Variants in ZNF91 observed in about 807,000 individuals in gnomAD.
ZNF91 encodes zinc finger protein 91 (HPF7, HTF10).
In ZNF91, 7 loss-of-function variants were observed where a neutral mutation model predicts 12.6. The observed-to-expected ratio is 0.55, with a 90% CI of 0.31 to 1.04. ZNF91 has a LOEUF of 1.04. ZNF91 is among the 50% of genes least tolerant of loss of function. The pLI, the probability that ZNF91 is intolerant of heterozygous loss-of-function variation, is 0.05. For missense variants in ZNF91, 1,217 were observed against 1,385.4 expected, an observed-to-expected ratio of 0.88 and a Z score of 1.93; for synonymous variants, 453 against 462.6, an observed-to-expected ratio of 0.98 and a Z score of 0.27.
chr19:23,355,479 G>T (rs541505381), downstream of ZNF91, among the ~76,000 whole-genome samples: 1 of 152,166 alleles, frequency 6.6e-6, no homozygotes, highest in South Asian at 2.1e-4. Context: ...TTAAACCTAA[G>T]ATCAGAAACT....
At chr19:23,365,945 GAA>G (rs1482587099) in intron 3 of ZNF91, among the ~76,000 whole-genome samples, 1 of 152,200 alleles carries the variant, frequency 6.6e-6, no homozygotes, top group Non-Finnish European at 1.5e-5. Context: ...AGAACAAAGT[GAA>G]AAGTCTCCCA....
chr19:23,369,288 C>T (rs528066926), intron 3 of ZNF91, among the ~76,000 whole-genome samples: 18 of 151,370 alleles, frequency 1.2e-4, no homozygotes, highest in Non-Finnish European at 2.2e-4. Context: ...CCACCCTGGG[C>T]GACAGAGCAA....
chr19:23,323,525 TCTC>T (rs201818692), intron 1 of ZNF91, among the ~76,000 whole-genome samples: 1,420 of 139,542 alleles, frequency 0.01, 76 homozygotes, highest in Admixed American at 0.085. Context: ...CCTCTACTCT[TCTC>T]CTCCTTTTCC....
At position 23,361,188 on chromosome 19, in the gene ZNF91, A is replaced by G; in HGVS notation, c.1791T>C (p.Thr597=). Residue 597 remains threonine, a synonymous_variant, in exon 4 of 4, where the codon ACT becomes ACC. Coordinates refer to ENST00000300619, the MANE Select transcript of ZNF91 (RefSeq NM_003430.4). ...CTTCACACTTGTAAGACTTCTCTCC[A>G]GTATGAATTATCTTATGTGTAGAAA... ...SSLSTHKIIH[T]GEKSYKCEEC... The G allele has an allele frequency of 6.2e-7, 1 of 1,613,570 alleles. No homozygotes were observed. Among genetic ancestry groups the G allele is most frequent in the African/African-American group, 1.3e-5 (1 of 74,940 alleles).
chr19:23,331,811 G>C (rs1304306053), intron 1 of ZNF91, among the ~76,000 whole-genome samples: 2 of 152,086 alleles, frequency 1.3e-5, no homozygotes, highest in African/African-American at 2.4e-5. Flanking sequence ...GGTTAACACT[G>C]GTCAAATTCT....
At chr19:23,322,557 T>TA (rs1182495680) in intron 1 of ZNF91, among the ~76,000 whole-genome samples, 3 of 152,176 alleles carry the variant, frequency 2.0e-5, no homozygotes, top group African/African-American at 7.2e-5. Context: ...CTGGATTTTT[T>TA]ATCTGTGTGT....
At chr19:23,321,422 C>A (rs1422568165) in intron 1 of ZNF91, among the ~76,000 whole-genome samples, 1 of 152,130 alleles carries the variant, frequency 6.6e-6, no homozygotes, top group African/African-American at 2.4e-5. Flanking sequence ...TCTGCCTGGG[C>A]CCAGCCTAAA....
At chr19:23,356,135 A>G (rs190550349), downstream of ZNF91, among the ~76,000 whole-genome samples, 64 of 152,284 alleles carry the variant, frequency 4.2e-4, no homozygotes, top group East Asian at 0.012. Context: ...CTAAAAGTAG[A>G]ACTAGCATTT....
At chr19:23,335,529 C>T (rs781390890), downstream of ZNF91, among the ~76,000 whole-genome samples, 10 of 152,170 alleles carry the variant, frequency 6.6e-5, no homozygotes, top group South Asian at 2.1e-4. Context: ...CGATGGTGGA[C>T]GCCCCTCCCC....
At chr19:23,312,126 G>GA (rs909502434), upstream of ZNF91, among the ~76,000 whole-genome samples, 3 of 151,922 alleles carry the variant, frequency 2.0e-5, no homozygotes, top group African/African-American at 7.3e-5. Context: ...CTACTCTCAG[G>GA]AAAAATTATG....
At chr19:23,371,259 T>G (rs2145089932) in intron 3 of ZNF91, among the ~76,000 whole-genome samples, 1 of 152,168 alleles carries the variant, frequency 6.6e-6, no homozygotes, top group African/African-American at 2.4e-5. Context: ...GGCAAGAGAA[T>G]CGCTTGAATC....
chr19:23,320,294 G>A (rs1435040369), intron 1 of ZNF91, among the ~76,000 whole-genome samples: 3 of 152,142 alleles, frequency 2.0e-5, no homozygotes, highest in Admixed American at 6.5e-5. Context: ...AGACTGACAC[G>A]TACAATCATG....
chr19:23,395,429 G>C lies in ZNF91; in HGVS notation c.-75C>G. The C allele has an allele frequency of 1.3e-6, 2 of 1,569,002 alleles. No homozygotes were observed. Among genetic ancestry groups the C allele is most frequent in the South Asian group, 1.1e-5 (1 of 88,692 alleles). Reference sequence around the variant, plus strand: ...GGCCTCCTGGAGCAGAGGACACAGAGCAGTGAAGTCGAGACCTGGAAACTC... The same window carrying C: ...GGCCTCCTGGAGCAGAGGACACAGACCAGTGAAGTCGAGACCTGGAAACTC... On this transcript the variant is annotated 5_prime_UTR_variant, in exon 1 of 4. Coordinates refer to ENST00000300619, the MANE Select transcript of ZNF91 (RefSeq NM_003430.4).
Position 23,361,966 on chromosome 19 carries a change from G to A in ZNF91, c.1013C>T (p.Ala338Val). The A allele has an allele frequency of 6.3e-7, 1 of 1,575,514 alleles. No homozygotes were observed. Among genetic ancestry groups the A allele is most frequent in the Non-Finnish European group, 8.6e-7 (1 of 1,162,622 alleles). ...TCCAGTATGAATTCTCTTATGTTTA[G>A]CAAGGGTTGAAGAACGGCTAAAAGC... ...GKAFSRSSTL[A>V]KHKRIHTGEK... is the part of the protein sequence containing the mutation. Residue 338 changes from alanine (A) to valine (V), a missense_variant, in exon 4 of 4, where the codon GCT becomes GTT. Transcript: ENST00000300619.
chr19:23,371,169 C>T (rs1969262715), intron 3 of ZNF91, among the ~76,000 whole-genome samples: 1 of 151,998 alleles, frequency 6.6e-6, no homozygotes, highest in South Asian at 2.1e-4. Flanking sequence ...GAGAGAAACC[C>T]TGTCTCTACT....
chr19:23,348,534 G>A (rs1167173178), intron 3 of ZNF91, among the ~76,000 whole-genome samples: 2 of 152,068 alleles, frequency 1.3e-5, no homozygotes, highest in Non-Finnish European at 2.9e-5. Context: ...ATCTTTGTAA[G>A]CTGAGGATGT....
In ZNF91 at chr19:23,359,391, T is replaced by G. The variant is rs1284557477; in HGVS notation, c.*12A>C. On this transcript the variant is annotated 3_prime_UTR_variant, in exon 4 of 4. Coordinates refer to ENST00000300619, the MANE Select transcript of ZNF91 (RefSeq NM_003430.4). ...GCGCCCGCCACCACGCCCGGCTAAT[T>G]TTTTGTATTTTTTAGTAGAGAAGGG... The G allele has an allele frequency of 1.5e-5, 14 of 944,482 alleles. No homozygotes were observed. The highest frequency in any genetic ancestry group is 2.2e-5 in the Non-Finnish European group (14 of 627,210). The allele number at this position is 944,482 out of a possible 1,614,324, so 58.5% of individuals were successfully genotyped here. A position where few individuals can be genotyped will look rare whatever the true frequency, so the allele number is the denominator to read the frequency against.
At chr19:23,337,346 GTATGTGTGTGTGTA>G (rs1968032789), downstream of ZNF91, among the ~76,000 whole-genome samples, 1 of 116,614 alleles carries the variant, frequency 8.6e-6, no homozygotes, top group Non-Finnish European at 1.9e-5. Flanking sequence ...ATGTGTGTGT[GTATGTGTGTGTGTA>G]TATATATATA....
chr19:23,366,929 C>G (rs1179142616), intron 3 of ZNF91, among the ~76,000 whole-genome samples: 1 of 152,150 alleles, frequency 6.6e-6, no homozygotes, highest in Non-Finnish European at 1.5e-5. Context: ...CAGTCAAAAG[C>G]AAGGGAATAT....
Sources: gnomAD v4.1 joint callset for allele counts (sites outside exome capture counted in the v4.1 genomes callset) on GRCh38, gnomAD v4.1.1 for gene constraint, MANE v1.5 for transcripts, NCBI Gene and HGNC (gene_info 2026-07-23, HGNC 2026-07-21) for gene names.